The following SNAPC3 variants were observed in gnomAD, a reference collection of about 807,000 sequenced individuals.
SNAPC3 encodes the protein snRNA-activating protein complex subunit 3.
In SNAPC3, 56 loss-of-function variants were observed where a neutral mutation model predicts 47.7. The observed-to-expected ratio is 1.18, with a 90% confidence interval of 0.95 to 1.47. The LOEUF (loss-of-function observed/expected upper bound fraction) is 1.47. SNAPC3 is among the 40% of genes most tolerant of loss of function. The pLI is 0.00. For missense variants in SNAPC3, 665 were observed against 511.3 expected, an observed-to-expected ratio of 1.30 and a Z score of -2.90; for synonymous variants, 235 against 189.9, an observed-to-expected ratio of 1.24 and a Z score of -1.95.
chr9:15,451,397 G>A lies in SNAPC3; in HGVS notation c.810G>A (p.Leu270=), dbSNP rs772396631. The A allele has an allele frequency of 6.0e-6, 9 of 1,505,334 alleles. No individual in the cohort carries two copies. Among genetic ancestry groups the A allele is most frequent in the African/African-American group, 1.4e-5 (1 of 72,384 alleles). 93.2% of individuals were successfully genotyped at this position (1,505,334 alleles called of 1,614,324 possible). A position where few individuals can be genotyped will look rare whatever the true frequency, so the allele number is the denominator to read the frequency against. The change falls in exon 6 of 9, where the codon TTG becomes TTA. Residue 270 remains leucine (L), a synonymous_variant. Transcript: ENST00000380821. ...AAAGATACCCAGAATGCAGAGATTT[G>A]AGCAGGTATAGTTTCCAAAAATCTT... ...NDKRYPECRD[L]SRTIIEWSES... is the part of the protein sequence containing the mutation.
intron 2 of SNAPC3, among the ~76,000 whole-genome samples, chr9:15,432,579 G>T (rs1282257782): frequency 6.6e-6 from 1 of 152,090 alleles, no homozygotes; most frequent in Non-Finnish European, 1.5e-5. Flanking sequence ...AAGAACGGGA[G>T]CTCCTAATGA....
chr9:15,453,298 T>TA, intron 7 of SNAPC3, 93 bp downstream of exon 7: 3 of 993,918 alleles, frequency 3.0e-6, no homozygotes, highest in Non-Finnish European at 4.4e-6. Context: ...ATAAGAGGAG[T>TA]AAAAGTAATA....
intron 7 of SNAPC3, among the ~76,000 whole-genome samples, chr9:15,454,704 A>G (rs542320410): frequency 4.6e-5 from 7 of 152,310 alleles, no homozygotes; most frequent in South Asian, 4.1e-4. Context: ...TTGGGAGGCC[A>G]AGGCGGGCAG....
At chr9:15,433,767 C>G (rs764551620) in intron 3 of SNAPC3, 131 bp downstream of exon 3, 31 of 542,310 alleles carry the variant, frequency 5.7e-5, no homozygotes, top group Non-Finnish European at 8.9e-5. Context: ...AGAGAAACTC[C>G]TTTGAGTCTG....
chr9:15,447,300 A>G (rs1381851568), intron 5 of SNAPC3, 56 bp downstream of exon 5: 2 of 1,501,442 alleles, frequency 1.3e-6, no homozygotes, highest in Non-Finnish European at 1.9e-6. Context: ...GAAAATAGCG[A>G]TTACTCTAGC....
intron 5 of SNAPC3, 97 bp downstream of exon 5, chr9:15,447,341 C>G (rs950369032): frequency 9.3e-7 from 1 of 1,076,578 alleles, no homozygotes; most frequent in East Asian, 2.4e-5. Context: ...AAATCCTTTT[C>G]TTCTCCTGCG....
At chr9:15,436,931 C>A (rs1422324600) in intron 3 of SNAPC3, among the ~76,000 whole-genome samples, 1 of 146,852 alleles carries the variant, frequency 6.8e-6, no homozygotes, top group African/African-American at 2.5e-5. Context: ...TCGAGCGATT[C>A]TCCTGCCTCA....
At chr9:15,449,976 G>C (rs1171195108) in intron 5 of SNAPC3, among the ~76,000 whole-genome samples, 1 of 152,112 alleles carries the variant, frequency 6.6e-6, no homozygotes, top group African/African-American at 2.4e-5. Context: ...CACCTAAGAT[G>C]AAGTTTTATG....
chr9:15,425,458 T>A (rs2131726390), intron 2 of SNAPC3, among the ~76,000 whole-genome samples: 1 of 152,296 alleles, frequency 6.6e-6, no homozygotes, highest in Middle Eastern at 3.4e-3. Context: ...CCTCATGTGA[T>A]CTGCCCAACT....
At chr9:15,465,488 T>G (rs747979639), downstream of SNAPC3, 1 of 1,485,252 alleles carries the variant, frequency 6.7e-7, no homozygotes, top group Non-Finnish European at 9.2e-7. Flanking sequence ...TACAAACTTC[T>G]CAAGTGTTCT....
At chr9:15,440,430 C>T (rs1386164560) in intron 3 of SNAPC3, among the ~76,000 whole-genome samples, 1 of 152,108 alleles carries the variant, frequency 6.6e-6, no homozygotes, top group East Asian at 1.9e-4. Context: ...TCCTTCATTC[C>T]TGAAGGATAG....
intron 3 of SNAPC3, chr9:15,433,924 TTTG>T (rs987057497): frequency 2.8e-4 from 60 of 218,034 alleles, no homozygotes; most frequent in African/African-American, 1.3e-3. Flanking sequence ...TTCTGGTCTT[TTTG>T]TTCTGCTCCT....
intron 3 of SNAPC3, among the ~76,000 whole-genome samples, chr9:15,435,591 C>T (rs1044512691): frequency 2.6e-5 from 4 of 151,756 alleles, no homozygotes; most frequent in South Asian, 2.1e-4. Context: ...ATTAGCCGGG[C>T]GTGGTGGCAG....
At chr9:15,427,144 A>AT (rs1007284244) in intron 2 of SNAPC3, among the ~76,000 whole-genome samples, 3 of 152,222 alleles carry the variant, frequency 2.0e-5, no homozygotes, top group African/African-American at 7.2e-5. Context: ...GACCAAAGGT[A>AT]GTTGGTAGAT....
At chr9:15,441,824 T>G (rs2033411140) in intron 3 of SNAPC3, among the ~76,000 whole-genome samples, 1 of 151,948 alleles carries the variant, frequency 6.6e-6, no homozygotes, top group African/African-American at 2.4e-5. Flanking sequence ...CAATCTGATT[T>G]CTCTATCTTT....
chr9:15,430,904 T>C (rs2032057061), intron 2 of SNAPC3, among the ~76,000 whole-genome samples: 1 of 152,148 alleles, frequency 6.6e-6, no homozygotes, highest in Non-Finnish European at 1.5e-5. Flanking sequence ...GTGCCAGGTG[T>C]AGTTTATTGG....
Position 15,455,722 on chromosome 9 carries a change from G to C in SNAPC3, c.981-2238G>C, listed in dbSNP as rs558228526. On this transcript the variant is annotated intron_variant, in intron 7 of 8. Coordinates refer to ENST00000380821, the MANE Select transcript of SNAPC3 (RefSeq NM_001039697.2). ...ATTTTTCTTTTTTTTTTTTTGAGAC[G>C]GAGTTTCGCTCTGTTGCCTAGGCTG... is the stretch of plus-strand genomic sequence containing the variant. Among the ~76,000 whole-genome samples the C allele has an allele frequency of 2.7e-5, 4 of 149,278 alleles. No individual in the cohort carries two copies. In the East Asian group the frequency reaches 7.8e-4, roughly 29 times the overall value.
At chr9:15,459,475 A>G (rs1056829386) in intron 8 of SNAPC3, among the ~76,000 whole-genome samples, 4 of 152,168 alleles carry the variant, frequency 2.6e-5, no homozygotes, top group African/African-American at 9.7e-5. Flanking sequence ...CTTTAAGGGT[A>G]AGTATTACAG....
chr9:15,457,473 T>C (rs1376996528), intron 7 of SNAPC3, among the ~76,000 whole-genome samples: 1 of 152,124 alleles, frequency 6.6e-6, no homozygotes, highest in East Asian at 1.9e-4. Flanking sequence ...TGCATGCTTG[T>C]AGTCCCAACT....
Sources: allele counts gnomAD v4.1 joint callset (sites outside exome capture counted in the v4.1 genomes callset), GRCh38; gene constraint gnomAD v4.1.1; transcripts MANE v1.5; gene names NCBI Gene and HGNC (gene_info 2026-07-23, HGNC 2026-07-21).